Variants in ZNF654 observed in about 807,000 individuals in gnomAD.
The protein encoded by ZNF654 is melanoma-associated antigen.
ZNF654 carries 19 observed loss-of-function variants against 95.3 expected under a neutral mutation model. The observed-to-expected ratio is 0.20, with a 90% CI of 0.14 to 0.29. The LOEUF is 0.29. Among genes scored for constraint, ZNF654 ranks in the 10% least tolerant of loss-of-function variants. The pLI is 1.00. For synonymous variants in ZNF654, 413 were observed against 457.9 expected (o/e 0.90, Z 1.25); for missense variants, 1,046 against 1,341.0 (o/e 0.78, Z 3.44).
At chr3:88,076,539 T>C (rs4858994) in intron 1 of ZNF654, among the ~76,000 whole-genome samples, 119,094 of 152,038 alleles carry the variant, frequency 0.78, 47,581 homozygotes, top group South Asian at 0.91. Context: ...TTCTTTAATT[T>C]TTCCACTGTT....
chr3:88,118,520 TA>T (rs1285355985), intron 3 of ZNF654, among the ~76,000 whole-genome samples: 1 of 152,112 alleles, frequency 6.6e-6, no homozygotes, highest in African/African-American at 2.4e-5. Flanking sequence ...TTATTATTTT[TA>T]GCTAAGATGA....
At chr3:88,082,468 T>C (rs1181962915) in intron 1 of ZNF654, among the ~76,000 whole-genome samples, 1 of 152,172 alleles carries the variant, frequency 6.6e-6, no homozygotes, top group African/African-American at 2.4e-5. Context: ...TGTAAACAAA[T>C]GATGAACTTA....
At chr3:88,098,944 T>A (rs1268618504) in intron 2 of ZNF654, among the ~76,000 whole-genome samples, 5 of 152,202 alleles carry the variant, frequency 3.3e-5, no homozygotes, top group Non-Finnish European at 7.3e-5. Flanking sequence ...ATGCCCTCTG[T>A]CACTACTTCT....
At position 88,144,258 on chromosome 3, in the gene ZNF654, TTAAA is replaced by T. The variant is rs987991843; in HGVS notation, c.*2610_*2613del. 4 of 152,354 alleles carry T rather than the reference TTAAA, an allele frequency of 2.6e-5. No homozygotes were observed. The highest frequency in any genetic ancestry group is 9.7e-5 in the African/African-American group (4 of 41,436). The allele number at this position is 152,354 out of a possible 1,614,324, so 9.4% of individuals were successfully genotyped here. ...TTTGAAACCACCAATTATATAATAC[TTAAA>T]TAATTTATATCATTGAACTTGTGAT... On this transcript the variant is annotated 3_prime_UTR_variant, in exon 9 of 9. Transcript: ENST00000636215.
chr3:88,116,292 G>A (rs1187712414), intron 3 of ZNF654, among the ~76,000 whole-genome samples: 5 of 151,952 alleles, frequency 3.3e-5, no homozygotes, highest in African/African-American at 7.3e-5. Flanking sequence ...AGGCCGAGGC[G>A]GGCAGATCAC....
chr3:88,106,809 T>G (rs574436121), intron 2 of ZNF654, among the ~76,000 whole-genome samples: 35 of 152,276 alleles, frequency 2.3e-4, no homozygotes, highest in African/African-American at 8.4e-4. Flanking sequence ...ATATGAGGAT[T>G]TTTTTTTCTG....
chr3:88,124,426 A>G (rs1222875594), intron 3 of ZNF654, among the ~76,000 whole-genome samples: 2 of 152,176 alleles, frequency 1.3e-5, no homozygotes, highest in African/African-American at 4.8e-5. Flanking sequence ...GACTGGACTG[A>G]ATGATTATTT....
chr3:88,072,444 C>G (rs1050561584), intron 1 of ZNF654, among the ~76,000 whole-genome samples: 2 of 152,180 alleles, frequency 1.3e-5, no homozygotes, highest in Non-Finnish European at 2.9e-5. Context: ...CCATCTAGCT[C>G]TGTGACTTTT....
chr3:88,074,361 A>G (rs1213358938), intron 1 of ZNF654, among the ~76,000 whole-genome samples: 5 of 32,640 alleles, frequency 1.5e-4, no homozygotes, highest in African/African-American at 3.7e-4. Context: ...TTTTTTTTTG[A>G]GACTGAGTCT....
At chr3:88,116,720 C>A (rs1453930426) in intron 3 of ZNF654, among the ~76,000 whole-genome samples, 1 of 151,940 alleles carries the variant, frequency 6.6e-6, no homozygotes, top group South Asian at 2.1e-4. Flanking sequence ...AGCCCCATTA[C>A]CCAGAGGTAA....
At chr3:88,116,555 T>TAC (rs1398775960) in intron 3 of ZNF654, among the ~76,000 whole-genome samples, 1 of 12,576 alleles carries the variant, frequency 8.0e-5, no homozygotes, top group Non-Finnish European at 8.9e-4. Context: ...CATACATACA[T>TAC]ATATATACAC....
intron 4 of ZNF654, among the ~76,000 whole-genome samples, chr3:88,126,974 G>A (rs1334829696): frequency 1.3e-5 from 2 of 152,038 alleles, no homozygotes; most frequent in Admixed American, 6.6e-5. Flanking sequence ...TTCCTTTCAA[G>A]GCAGGAGGCT....
At chr3:88,076,488 C>T in intron 1 of ZNF654, among the ~76,000 whole-genome samples, 1 of 152,060 alleles carries the variant, frequency 6.6e-6, no homozygotes, top group Non-Finnish European at 1.5e-5. Context: ...AAGGAAGTCC[C>T]TCTTTTCTTT....
intron 2 of ZNF654, among the ~76,000 whole-genome samples, chr3:88,104,176 A>G (rs1384161791): frequency 6.6e-6 from 1 of 152,224 alleles, no homozygotes; most frequent in East Asian, 1.9e-4. Flanking sequence ...AGGGAGTTCC[A>G]TAAGCAGCAC....
chr3:88,067,275 G>A (rs1413516951), intron 1 of ZNF654, among the ~76,000 whole-genome samples: 2 of 152,126 alleles, frequency 1.3e-5, no homozygotes, highest in Admixed American at 6.5e-5. Context: ...TGGATACCTG[G>A]GCAAGTTCTG....
intron 1 of ZNF654, among the ~76,000 whole-genome samples, chr3:88,073,941 T>A (rs188806035): frequency 1.3e-5 from 2 of 152,346 alleles, no homozygotes; most frequent in Admixed American, 6.5e-5. Context: ...TACGGCTTTT[T>A]AAGAGAGGCA....
At chr3:88,131,418 A>T (rs1051974943) in intron 6 of ZNF654, among the ~76,000 whole-genome samples, 1 of 152,206 alleles carries the variant, frequency 6.6e-6, no homozygotes, top group African/African-American at 2.4e-5. Context: ...TGGGAATAGA[A>T]ATGTTCTCTG....
chr3:88,066,982 T>A (rs1386720742), intron 1 of ZNF654, among the ~76,000 whole-genome samples: 1 of 149,724 alleles, frequency 6.7e-6, no homozygotes, highest in Non-Finnish European at 1.5e-5. Context: ...GGGAGGAGGT[T>A]GAATTGTATA....
intron 7 of ZNF654, 21 bp downstream of exon 7, chr3:88,135,223 C>A: frequency 7.1e-7 from 1 of 1,404,878 alleles, no homozygotes; most frequent in Non-Finnish European, 9.2e-7. Context: ...TATATTTGTC[C>A]CTTAAATTTA....
Sources: gnomAD v4.1 joint callset for allele counts (sites outside exome capture counted in the v4.1 genomes callset) on GRCh38, gnomAD v4.1.1 for gene constraint, MANE v1.5 for transcripts, NCBI Gene and HGNC (gene_info 2026-07-23, HGNC 2026-07-21) for gene names.